The following ATP10A variants were observed in gnomAD, a reference collection of about 807,000 sequenced individuals.
ATP10A encodes ATPase phospholipid transporting 10A (putative).
ATP10A carries 111 observed loss-of-function variants against 147.8 expected under a neutral mutation model. That is an observed-to-expected ratio of 0.75 (90% CI 0.64 to 0.88). The LOEUF is 0.88. ATP10A is among the 40% of genes least tolerant of loss of function. ATP10A has a pLI of 0.00. For synonymous variants in ATP10A, 875 were observed against 841.6 expected (o/e 1.04, Z -0.69); for missense variants, 1,927 against 1,959.0 (o/e 0.98, Z 0.31).
intron 16 of ATP10A, among the ~76,000 whole-genome samples, chr15:25,685,777 T>C (rs1899679141): frequency 6.7e-6 from 1 of 148,252 alleles, no homozygotes; most frequent in South Asian, 2.1e-4. Context: ...TAAGCTAGAG[T>C]GGCGCCACTG....
intron 1 of ATP10A, among the ~76,000 whole-genome samples, chr15:25,842,826 A>C (rs1178650435): frequency 6.6e-6 from 1 of 151,902 alleles, no homozygotes; most frequent in African/African-American, 2.4e-5. Flanking sequence ...CGGTCCTCCC[A>C]CCTCAGCCTC....
At chr15:25,736,298 C>T (rs1040797084) in intron 2 of ATP10A, among the ~76,000 whole-genome samples, 157 bp from the exon 3 acceptor site, 1 of 152,192 alleles carries the variant, frequency 6.6e-6, no homozygotes, top group Admixed American at 6.5e-5. Flanking sequence ...AACGCCTTCT[C>T]CACTGTATAA....
At chr15:25,768,911 C>T (rs372235135) in intron 2 of ATP10A, among the ~76,000 whole-genome samples, 2 of 151,970 alleles carry the variant, frequency 1.3e-5, no homozygotes, top group East Asian at 3.9e-4. Context: ...AAAAACACTA[C>T]GTATTGCTTC....
rs115618637 is a variant in ATP10A, at chr15:25,716,910, C to G, written c.1596G>C (p.Thr532=). Residue 532 remains threonine (T), a synonymous_variant, in exon 9 of 21, where the codon ACG becomes ACC. Coordinates refer to ENST00000555815, the MANE Select transcript of ATP10A (RefSeq NM_024490.4). The stretch of plus-strand genomic sequence containing the variant: ...CCTTCTCCAGCAGCTTTGGGTCGGG[C>G]GTGATATCCTTCTCCTGGGAGAAAG... ...AFSSPMEKDI[T]PDPKLLEKVS... is the part of the protein sequence containing the mutation. 1.3e-6 allele frequency: 2 copies of G among 1,577,758 alleles called. No individual in the cohort carries two copies. Among genetic ancestry groups the G allele is most frequent in the South Asian group, 2.3e-5 (2 of 86,262 alleles).
At chr15:25,845,322 TTGTGTGTGTGTG>T (rs746244130) in intron 1 of ATP10A, among the ~76,000 whole-genome samples, 3 of 141,716 alleles carry the variant, frequency 2.1e-5, no homozygotes, top group African/African-American at 5.0e-5. Context: ...GTTTGTGTGT[TTGTGTGTGTGTG>T]TGTGTGTGTG....
intron 8 of ATP10A, among the ~76,000 whole-genome samples, chr15:25,717,784 C>T (rs897090781): frequency 1.3e-5 from 2 of 152,174 alleles, no homozygotes; most frequent in South Asian, 2.1e-4. Context: ...AATGTCTGGG[C>T]GGCTGACAAG....
chr15:25,797,773 G>A (rs1046348401), intron 1 of ATP10A, among the ~76,000 whole-genome samples: 1 of 152,094 alleles, frequency 6.6e-6, no homozygotes, highest in East Asian at 1.9e-4. Flanking sequence ...GGAGACTGCC[G>A]CCCTGGGGGG....
At chr15:25,820,433 C>T (rs28637756) in intron 1 of ATP10A, among the ~76,000 whole-genome samples, 52,686 of 151,926 alleles carry the variant, frequency 0.35, 10,429 homozygotes, top group African/African-American at 0.54. Flanking sequence ...CACAGTATAC[C>T]ATACTGATGT....
chr15:25,775,383 C>A (rs771888335), intron 2 of ATP10A, among the ~76,000 whole-genome samples: 31 of 152,194 alleles, frequency 2.0e-4, no homozygotes, highest in Non-Finnish European at 4.0e-4. Flanking sequence ...GAAAACCGTG[C>A]TGAGTCAGAG....
chr15:25,690,699 A>C (rs547359244), intron 15 of ATP10A, among the ~76,000 whole-genome samples: 4 of 152,332 alleles, frequency 2.6e-5, no homozygotes, highest in Admixed American at 6.5e-5. Context: ...GGTCCACTGT[A>C]TTTTGTACAT....
intron 2 of ATP10A, among the ~76,000 whole-genome samples, chr15:25,769,316 C>T (rs1889206358): frequency 6.6e-6 from 1 of 151,734 alleles, no homozygotes; most frequent in Admixed American, 6.6e-5. Flanking sequence ...GAAACCCTGT[C>T]TCTACTAAAA....
At chr15:25,694,110 A>G (rs890028152) in intron 14 of ATP10A, among the ~76,000 whole-genome samples, 2 of 152,174 alleles carry the variant, frequency 1.3e-5, no homozygotes, top group African/African-American at 4.8e-5. Context: ...AACCTGTGCT[A>G]GAGACTCTGC....
intron 7 of ATP10A, among the ~76,000 whole-genome samples, chr15:25,719,423 C>CT (rs1902065417): frequency 6.6e-6 from 1 of 152,142 alleles, no homozygotes; most frequent in South Asian, 2.1e-4. Context: ...GCAGATGCCC[C>CT]GCAAATGCCT....
chr15:25,838,241 G>T (rs1279168499), intron 1 of ATP10A, among the ~76,000 whole-genome samples: 1 of 152,174 alleles, frequency 6.6e-6, no homozygotes, highest in African/African-American at 2.4e-5. Context: ...TCAAAAAAGT[G>T]CTTATTACTC....
intron 2 of ATP10A, among the ~76,000 whole-genome samples, chr15:25,773,077 T>C (rs989309178): frequency 2.0e-5 from 3 of 152,128 alleles, no homozygotes; most frequent in Non-Finnish European, 2.9e-5. Context: ...CAGTAGGCAA[T>C]AGTGTTTCCT....
chr15:25,815,990 ACTT>A (rs1891638440), intron 1 of ATP10A, among the ~76,000 whole-genome samples: 2 of 151,280 alleles, frequency 1.3e-5, no homozygotes, highest in Non-Finnish European at 2.9e-5. Context: ...AGAAGAAATT[ACTT>A]AGATATTTTT....
In ATP10A at chr15:25,681,181, C is replaced by CAAA. The variant is rs1453063872; in HGVS notation, c.3493-108_3493-107insTTT. ...CTTGTGTTAAAAACAACAACAATAA[C>CAAA]AACAAAAACCCACCCTGAGGAGTAG... On this transcript the variant is annotated intron_variant, in intron 17 of 20. Coordinates refer to ENST00000555815, the MANE Select transcript of ATP10A (RefSeq NM_024490.4). 1.3e-5 allele frequency: 15 copies of CAAA among 1,126,704 alleles called. 2 individuals are homozygous for CAAA. Among genetic ancestry groups the CAAA allele is most frequent in the Non-Finnish European group, 1.9e-5 (15 of 785,428 alleles). The allele number at this position is 1,126,704 out of a possible 1,614,324, so 69.8% of individuals were successfully genotyped here.
At chr15:25,860,521 G>A (rs1893712718) in intron 1 of ATP10A, among the ~76,000 whole-genome samples, 1 of 152,202 alleles carries the variant, frequency 6.6e-6, no homozygotes, top group Non-Finnish European at 1.5e-5. Context: ...CCTTCCCAGG[G>A]AACAATAAAC....
At position 25,679,564 on chromosome 15, in the gene ATP10A, AG is replaced by A. The variant is rs768534594; in HGVS notation, c.4276del (p.Leu1426CysfsTer66). 2.3e-5 allele frequency: 37 copies of A among 1,611,546 alleles called. No homozygotes were observed. Among genetic ancestry groups the A allele is most frequent in the Admixed American group, 1.3e-4 (8 of 59,960 alleles). On this transcript the variant is annotated frameshift_variant, in exon 21 of 21. Transcript: ENST00000555815. LOFTEE classifies it high-confidence loss of function. ...GGTAGGCAGGCTGAAGAGGGAAGACAGGGGGGTCACCCTGCCGGTGCTGGCA... is the reference window on the plus strand; with the variant it reads ...GGTAGGCAGGCTGAAGAGGGAAGACAGGGGGTCACCCTGCCGGTGCTGGCA... The part of the protein sequence containing the change: ...RAASTGRVTP[L>X]SSLFSLPTFS...
Sources: allele counts gnomAD v4.1 joint callset (sites outside exome capture counted in the v4.1 genomes callset), GRCh38; gene constraint gnomAD v4.1.1; transcripts MANE v1.5; gene names NCBI Gene and HGNC (gene_info 2026-07-23, HGNC 2026-07-21).